The following MAP3K13 variants were observed in gnomAD, a reference collection of about 807,000 sequenced individuals.
MAP3K13 encodes leucine zipper-bearing kinase.
MAP3K13 carries 52 observed loss-of-function variants against 104.0 expected under a neutral mutation model. The ratio of observed to expected loss-of-function variants is 0.50; its 90% CI spans 0.40 to 0.63. MAP3K13 has a LOEUF of 0.63. Among genes scored for constraint, MAP3K13 ranks in the 20% least tolerant of loss-of-function variants. The probability of loss-of-function intolerance (pLI) is 0.00; values close to 1 mark genes in which losing one functional copy is unlikely to be tolerated. For synonymous variants in MAP3K13, 394 were observed against 442.2 expected, an observed-to-expected ratio of 0.89 and a Z score of 1.37; for missense variants, 914 against 1,218.5, an observed-to-expected ratio of 0.75 and a Z score of 3.72.
chr3:185,418,377 TG>T lies in MAP3K13; in HGVS notation c.-85-10118del. The T allele has an allele frequency of 6.2e-7, 1 of 1,603,522 alleles. No homozygotes were observed. Among genetic ancestry groups the T allele is most frequent in the Admixed American group, 1.7e-5 (1 of 60,002 alleles). ...GATGACCTTTAGACATGACCAGTGC[TG>T]GTAGGGCTGAGGCAGCCAGGGCAGA... On this transcript the variant is annotated intron_variant, in intron 1 of 13. Transcript: ENST00000265026. The surrounding 1 kb of genome is among the most constrained non-coding windows in gnomAD (Gnocchi z 4.5).
At position 185,451,366 on chromosome 3, in the gene MAP3K13, A is replaced by G; in HGVS notation, c.1249A>G (p.Thr417Ala). 1.2e-6 allele frequency: 2 copies of G among 1,613,560 alleles called. No individual in the cohort carries two copies. The highest frequency in any genetic ancestry group is 1.7e-6 in the Non-Finnish European group (2 of 1,179,548). The change falls in exon 7 of 14, where the codon ACC becomes GCC. Residue 417 changes from threonine (T) to alanine (A), a missense_variant. Coordinates refer to ENST00000265026, the MANE Select transcript of MAP3K13 (RefSeq NM_004721.5). ...CATTGCCTCTGCAGATGTACTTGCC[A>G]CCCCACAAGAAACTTACTTCAAGTC... ...LDIASADVLA[T>A]PQETYFKSQA...
chr3:185,463,984 A>C (rs557101604), intron 8 of MAP3K13, among the ~76,000 whole-genome samples: 28 of 152,300 alleles, frequency 1.8e-4, no homozygotes, highest in Admixed American at 1.8e-3. Context: ...GATGCTTATA[A>C]TCTATTAAGA....
At position 185,466,869 on chromosome 3, in the gene MAP3K13, C is replaced by T. The variant is rs56408536; in HGVS notation, c.1549C>T (p.Arg517Ter). The T allele has an allele frequency of 1.2e-6, 2 of 1,613,962 alleles. No homozygotes were observed. Among genetic ancestry groups the T allele is most frequent in the South Asian group, 1.1e-5 (1 of 91,078 alleles). The change falls in exon 10 of 14, where the codon CGA becomes TGA. Residue 517 changes from arginine to a stop codon, truncating the protein, a stop_gained. Transcript: ENST00000265026. LOFTEE classifies it high-confidence loss of function. ...VEKKYPGTYK[R>*]HPVRPIIHPN... is the part of the protein sequence containing the mutation. ...AAAGAAGTATCCTGGGACCTACAAACGACACCCTGTTCGTCCTATCATCCA... is the reference window on the plus strand; with the variant it reads ...AAAGAAGTATCCTGGGACCTACAAATGACACCCTGTTCGTCCTATCATCCA...
At chr3:185,432,185 C>CTTTTTTTTT (rs11407161) in intron 2 of MAP3K13, among the ~76,000 whole-genome samples, 8 of 90,112 alleles carry the variant, frequency 8.9e-5, no homozygotes, top group Non-Finnish European at 1.0e-4. Context: ...TTTCTAATTG[C>CTTTTTTTTT]TTTTTTTTTT....
intron 1 of MAP3K13, chr3:185,285,378 C>T: frequency 2.6e-6 from 1 of 385,164 alleles, no homozygotes; most frequent in Non-Finnish European, 4.7e-6. Flanking sequence ...GTCTCCTGTT[C>T]AGTGTCAATC....
chr3:185,362,234 T>C (rs900960358), upstream of MAP3K13, among the ~76,000 whole-genome samples: 6 of 152,232 alleles, frequency 3.9e-5, no homozygotes, highest in African/African-American at 1.4e-4. Flanking sequence ...TTGTGAAGTG[T>C]AGTGATGGGG....
At chr3:185,440,662 CTAAT>C (rs1320713491) in intron 3 of MAP3K13, among the ~76,000 whole-genome samples, 1 of 152,158 alleles carries the variant, frequency 6.6e-6, no homozygotes, top group Non-Finnish European at 1.5e-5. Flanking sequence ...AAAATGAAGA[CTAAT>C]TATACTTCTT....
intron 2 of MAP3K13, among the ~76,000 whole-genome samples, chr3:185,313,795 C>T (rs1223976425): frequency 6.6e-6 from 1 of 151,894 alleles, no homozygotes; most frequent in Non-Finnish European, 1.5e-5. Context: ...TTGGGAAGCT[C>T]TTTGGACCCT....
intron 8 of MAP3K13, among the ~76,000 whole-genome samples, chr3:185,464,327 A>G (rs1240060942): frequency 2.0e-5 from 3 of 152,138 alleles, no homozygotes; most frequent in Non-Finnish European, 2.9e-5. Context: ...ACGAATAATC[A>G]CTGATATGGT....
chr3:185,439,955 G>A (rs534452947), intron 3 of MAP3K13, among the ~76,000 whole-genome samples: 2 of 152,288 alleles, frequency 1.3e-5, no homozygotes, highest in South Asian at 4.1e-4. Context: ...TCTGTGCCAT[G>A]TGTTGCTTGG....
chr3:185,399,052 C>T (rs1712599380), intron 1 of MAP3K13, among the ~76,000 whole-genome samples: 1 of 152,114 alleles, frequency 6.6e-6, no homozygotes, highest in Non-Finnish European at 1.5e-5. Flanking sequence ...TTATGTTCAC[C>T]ATCGCATCCT....
chr3:185,369,791 TTC>T (rs1724067168), intron 1 of MAP3K13, among the ~76,000 whole-genome samples: 1 of 152,206 alleles, frequency 6.6e-6, no homozygotes, highest in African/African-American at 2.4e-5. Flanking sequence ...AATAAAGAGG[TTC>T]TATCATTCAT....
At position 185,485,409 on chromosome 3, in the gene MAP3K13, G is replaced by A. The variant is rs1375512735; in HGVS notation, c.*2953G>A. ...ATGGTTTCAGTTACGCTCAACAGCA[G>A]TCCAAAAATATTTGATGGAACATTC... On this transcript the variant is annotated 3_prime_UTR_variant, in exon 14 of 14. Transcript: ENST00000265026. 2 of 152,328 alleles carry A rather than the reference G, an allele frequency of 1.3e-5. No homozygotes were observed. The highest frequency in any genetic ancestry group is 6.5e-5 in the Admixed American group (1 of 15,298). 9.4% of individuals were successfully genotyped at this position (152,328 alleles called of 1,614,324 possible). A position where few individuals can be genotyped will look rare whatever the true frequency, so the allele number is the denominator to read the frequency against.
At chr3:185,413,990 C>A (rs1199186225) in intron 1 of MAP3K13, among the ~76,000 whole-genome samples, 1 of 152,124 alleles carries the variant, frequency 6.6e-6, no homozygotes, top group African/African-American at 2.4e-5. Context: ...CCATATTTTT[C>A]TGACCTAGAC....
At chr3:185,461,902 A>C (rs1717129615) in intron 7 of MAP3K13, among the ~76,000 whole-genome samples, 1 of 152,078 alleles carries the variant, frequency 6.6e-6, no homozygotes, top group South Asian at 2.1e-4. Context: ...TAATTTTAAA[A>C]ATATATATAG....
chr3:185,411,008 T>C (rs1295980827), intron 1 of MAP3K13, among the ~76,000 whole-genome samples: 1 of 151,934 alleles, frequency 6.6e-6, no homozygotes, highest in Admixed American at 6.6e-5. Flanking sequence ...GTGATGTTTA[T>C]GTTATACCCA....
Position 185,428,576 on chromosome 3 carries a change from G to A in MAP3K13, c.-6G>A. ...ATCTCAGGACTTTGGTTATACTCAT[G>A]GCACGATGGCCAACTTTCAGGAGCA... On this transcript the variant is annotated 5_prime_UTR_variant, in exon 2 of 14. An upstream start codon of the reference 5' UTR is lost. Coordinates refer to ENST00000265026, the MANE Select transcript of MAP3K13 (RefSeq NM_004721.5). The A allele has an allele frequency of 6.4e-7, 1 of 1,574,082 alleles. No homozygotes were observed.
rs143327588 is a variant in MAP3K13, at chr3:185,404,470, G to A, written c.-85-24027G>A. On this transcript the variant is annotated intron_variant, in intron 1 of 13. Coordinates refer to ENST00000265026, the MANE Select transcript of MAP3K13 (RefSeq NM_004721.5). ...CGTGAGAGCTGGTTTACATACGTCAGGCTATGGAAACGGAATGGATTGTCC... is the reference window on the plus strand; with the variant it reads ...CGTGAGAGCTGGTTTACATACGTCAAGCTATGGAAACGGAATGGATTGTCC... Among the ~76,000 whole-genome samples the A allele has an allele frequency of 1.1e-3, 167 of 152,304 alleles. No homozygotes were observed. The South Asian group carries it at 0.012, about 11-fold the overall frequency.
At chr3:185,460,396 G>A (rs904537128) in intron 7 of MAP3K13, among the ~76,000 whole-genome samples, 2 of 152,146 alleles carry the variant, frequency 1.3e-5, no homozygotes, top group African/African-American at 4.8e-5. Flanking sequence ...CGCTGGTTCT[G>A]TTCCAGGGTA....
Sources: allele counts gnomAD v4.1 joint callset (sites outside exome capture counted in the v4.1 genomes callset), GRCh38; gene constraint gnomAD v4.1.1; non-coding constraint Gnocchi (gnomAD v3.1); transcripts MANE v1.5; gene names NCBI Gene and HGNC (gene_info 2026-07-23, HGNC 2026-07-21).